DPP10: variants seen among roughly 807,000 people sequenced by gnomAD.
The protein encoded by DPP10 is dipeptidyl peptidase like 10.
In DPP10, 33 loss-of-function variants were observed where a neutral mutation model predicts 120.9. The observed-to-expected ratio is 0.27, with a 90% CI of 0.21 to 0.37. DPP10 has a LOEUF of 0.37. Among genes scored for constraint, DPP10 ranks in the 10% least tolerant of loss-of-function variants. DPP10 has a pLI of 1.00. For synonymous variants in DPP10, 337 were observed against 326.1 expected (o/e 1.03, Z -0.36); for missense variants, 816 against 942.8 (o/e 0.87, Z 1.76).
intron 3 of DPP10, among the ~76,000 whole-genome samples, chr2:115,441,817 C>CTTTTTTTTTTTTT (rs561102084): frequency 8.0e-6 from 1 of 124,480 alleles, no homozygotes; most frequent in Non-Finnish European, 1.7e-5. Context: ...TTCTTTCTTT[C>CTTTTTTTTTTTTT]TTTTTTTTTT....
At chr2:115,683,175 C>T (rs938376854) in intron 5 of DPP10, among the ~76,000 whole-genome samples, 26 of 151,754 alleles carry the variant, frequency 1.7e-4, no homozygotes, top group Non-Finnish European at 1.5e-5. Flanking sequence ...AAGAGATGAA[C>T]TATCAAGGCA....
chr2:115,078,229 A>T (rs1251671132), intron 1 of DPP10, among the ~76,000 whole-genome samples: 2 of 152,240 alleles, frequency 1.3e-5, no homozygotes, highest in African/African-American at 4.8e-5. Context: ...TATATGTGAC[A>T]TTCAAATGAA....
At chr2:114,813,919 G>T (rs1349824406) in intron 1 of DPP10, among the ~76,000 whole-genome samples, 1 of 147,198 alleles carries the variant, frequency 6.8e-6, no homozygotes, top group Non-Finnish European at 1.5e-5. Flanking sequence ...CAAATAGCCT[G>T]TGGCTTACAG....
chr2:114,550,683 T>C (rs189385546), intron 1 of DPP10, among the ~76,000 whole-genome samples: 1 of 152,370 alleles, frequency 6.6e-6, no homozygotes, highest in East Asian at 1.9e-4. Flanking sequence ...TACCACACAG[T>C]GTCTTTCATA....
At chr2:115,808,907 G>T (rs2150011752) in intron 19 of DPP10, among the ~76,000 whole-genome samples, 1 of 152,252 alleles carries the variant, frequency 6.6e-6, no homozygotes, top group South Asian at 2.1e-4. Context: ...AGGAGATAGG[G>T]TCTTGGTAGC....
intron 3 of DPP10, among the ~76,000 whole-genome samples, chr2:115,351,451 A>G (rs933910566): frequency 6.6e-6 from 1 of 152,058 alleles, no homozygotes; most frequent in Non-Finnish European, 1.5e-5. Flanking sequence ...ACTGGGATCA[A>G]TGAAGTCCAA....
chr2:115,663,193 A>G (rs938750124), intron 5 of DPP10, among the ~76,000 whole-genome samples: 1 of 152,128 alleles, frequency 6.6e-6, no homozygotes, highest in Non-Finnish European at 1.5e-5. Context: ...AAAAAATGCA[A>G]TGTTTTAAAT....
intron 1 of DPP10, among the ~76,000 whole-genome samples, chr2:114,740,648 T>C (rs918672417): frequency 9.2e-5 from 14 of 152,202 alleles, no homozygotes; most frequent in African/African-American, 3.4e-4. Context: ...TTCCAATAAG[T>C]TTATTTTTCA....
intron 1 of DPP10, among the ~76,000 whole-genome samples, chr2:114,567,251 C>T (rs1222587607): frequency 1.3e-5 from 2 of 152,122 alleles, no homozygotes; most frequent in Non-Finnish European, 2.9e-5. Flanking sequence ...TAAAGATGAC[C>T]TTGTTGAAAT....
chr2:114,621,904 G>C (rs1558940138), intron 1 of DPP10, among the ~76,000 whole-genome samples: 1 of 151,700 alleles, frequency 6.6e-6, no homozygotes, highest in African/African-American at 2.4e-5. Flanking sequence ...TCTTATTCTG[G>C]GTTGAGCGAG....
chr2:115,561,919 A>T (rs1042135776), intron 5 of DPP10, among the ~76,000 whole-genome samples: 1 of 152,030 alleles, frequency 6.6e-6, no homozygotes, highest in Non-Finnish European at 1.5e-5. Flanking sequence ...CATCTCCCAA[A>T]CTGTCCTATA....
intron 1 of DPP10, among the ~76,000 whole-genome samples, chr2:114,475,013 C>T (rs992180430): frequency 1.6e-4 from 25 of 152,296 alleles, no homozygotes; most frequent in Admixed American, 3.9e-4. Flanking sequence ...GCAATCTGGT[C>T]AGCTTGAAGA....
chr2:114,528,969 C>T (rs772005950), intron 1 of DPP10, among the ~76,000 whole-genome samples: 3 of 152,036 alleles, frequency 2.0e-5, no homozygotes, highest in Non-Finnish European at 2.9e-5. Context: ...ATTCTTTGTC[C>T]TCTGCCCTAT....
chr2:115,179,133 ATG>A (rs748062073), intron 1 of DPP10, among the ~76,000 whole-genome samples: 104 of 152,332 alleles, frequency 6.8e-4, no homozygotes, highest in Non-Finnish European at 1.1e-3. Context: ...TTCCTAGTAG[ATG>A]GGTAAAAGAA....
At chr2:115,306,222 A>G (rs1389625174) in intron 1 of DPP10, among the ~76,000 whole-genome samples, 2 of 152,040 alleles carry the variant, frequency 1.3e-5, no homozygotes, top group Non-Finnish European at 2.9e-5. Context: ...AAGGAAAGTC[A>G]TATCTGGCTT....
chr2:114,628,007 C>T (rs1248911018), intron 1 of DPP10, among the ~76,000 whole-genome samples: 2 of 152,072 alleles, frequency 1.3e-5, no homozygotes, highest in African/African-American at 2.4e-5. Context: ...TTGGATTTTG[C>T]AGATTACTGA....
chr2:115,799,615 T>A (rs1684942354), intron 19 of DPP10, among the ~76,000 whole-genome samples: 1 of 124,372 alleles, frequency 8.0e-6, no homozygotes, highest in Admixed American at 9.9e-5. Context: ...CCCTGGTGTG[T>A]GATGTTCCCC....
intron 1 of DPP10, among the ~76,000 whole-genome samples, chr2:115,124,270 A>G (rs2049966139): frequency 6.6e-6 from 1 of 152,144 alleles, no homozygotes; most frequent in Non-Finnish European, 1.5e-5. Flanking sequence ...GCTTAAGACC[A>G]TTCAATGACT....
intron 1 of DPP10, among the ~76,000 whole-genome samples, chr2:115,288,112 T>G (rs1021650589): frequency 1.3e-5 from 2 of 152,134 alleles, no homozygotes; most frequent in Non-Finnish European, 2.9e-5. Flanking sequence ...TCTATAGATG[T>G]TTCACTAACT....
Sources: gnomAD v4.1 joint callset for allele counts (sites outside exome capture counted in the v4.1 genomes callset) on GRCh38, gnomAD v4.1.1 for gene constraint, MANE v1.5 for transcripts, NCBI Gene and HGNC (gene_info 2026-07-23, HGNC 2026-07-21) for gene names.